Variants in BTBD9 observed in about 807,000 individuals in gnomAD.
BTBD9 encodes BTB/POZ domain-containing protein 9.
Under a neutral mutation model 64.3 loss-of-function variants are expected in BTBD9, and 49 were observed. The observed-to-expected ratio is 0.76, with a 90% CI of 0.61 to 0.97. BTBD9 has a LOEUF of 0.97. Ranked by LOEUF, BTBD9 falls within the 50% of genes least tolerant of loss-of-function variation. The probability of loss-of-function intolerance (pLI) is 0.00; values close to 1 mark genes in which losing one functional copy is unlikely to be tolerated. For missense variants in BTBD9, 598 were observed against 762.1 expected, an observed-to-expected ratio of 0.78 and a Z score of 2.53; for synonymous variants, 260 against 274.7, an observed-to-expected ratio of 0.95 and a Z score of 0.53.
At chr6:38,188,448 A>C (rs966421882) in intron 10 of BTBD9, among the ~76,000 whole-genome samples, 1 of 152,240 alleles carries the variant, frequency 6.6e-6, no homozygotes, top group African/African-American at 2.4e-5. Context: ...AAGCACCTGC[A>C]GAAGACAGGC....
intron 7 of BTBD9, among the ~76,000 whole-genome samples, chr6:38,343,374 C>T (rs1764172947): frequency 6.6e-6 from 1 of 152,174 alleles, no homozygotes; most frequent in African/African-American, 2.4e-5. Context: ...AGGGGGCTGA[C>T]TGATGTAGAT....
At position 38,559,462 on chromosome 6, in the gene BTBD9, C is replaced by T. The variant is rs146938037; in HGVS notation, c.1154+18138G>A. On this transcript the variant is annotated intron_variant, in intron 6 of 10. Transcript: ENST00000481247. ...TGAATGGAAAAACATTACATGCTCACGGACTGGAAGAATTACTATCGTGAA... is the reference window on the plus strand; with the variant it reads ...TGAATGGAAAAACATTACATGCTCATGGACTGGAAGAATTACTATCGTGAA... 1.8e-3 allele frequency among the ~76,000 whole-genome samples: 280 copies of T among 152,186 alleles called. 2 individuals carry two copies. The highest frequency in any genetic ancestry group is 5.9e-3 in the African/African-American group (245 of 41,550).
At chr6:38,470,964 T>A (rs1429578015) in intron 6 of BTBD9, among the ~76,000 whole-genome samples, 1 of 152,232 alleles carries the variant, frequency 6.6e-6, no homozygotes, top group African/African-American at 2.4e-5. Context: ...AAGAGCAGTT[T>A]TCCAAGATTC....
chr6:38,266,666 GAAAGAAAGAAA>G (rs1765015121), intron 8 of BTBD9, among the ~76,000 whole-genome samples: 1 of 94,960 alleles, frequency 1.1e-5, no homozygotes, highest in Non-Finnish European at 2.2e-5. Context: ...AAGAAAGAAA[GAAAGAAAGAAA>G]GAAGAAAAAG....
rs929959987 is a variant in BTBD9 at position 38,184,259 on chromosome 6, G to A, written c.1641+8260C>T. On this transcript the variant is annotated intron_variant, in intron 10 of 10. Transcript: ENST00000481247. This position sits in a 1 kb window ranked among gnomAD's most constrained non-coding sequence, Gnocchi z 4.4. ...TACAATGCAGATTCACAGGTACCAG[G>A]CTGCCCGCTGGGCTTGACTATCCCG... 3.3e-5 allele frequency among the ~76,000 whole-genome samples: 5 copies of A among 152,272 alleles called. No individual in the cohort carries two copies. The East Asian group carries it at 5.8e-4, about 18-fold the overall frequency.
chr6:38,578,866 G>T (rs868767412), intron 5 of BTBD9, among the ~76,000 whole-genome samples: 1 of 152,086 alleles, frequency 6.6e-6, no homozygotes, highest in South Asian at 2.1e-4. Flanking sequence ...TCACAGAAAC[G>T]ATGACAACCA....
At position 38,268,666 on chromosome 6, in the gene BTBD9, CAA is replaced by C. The variant is rs368811247; in HGVS notation, c.1455-12152_1455-12151del. Among the ~76,000 whole-genome samples the C allele has an allele frequency of 4.4e-3, 674 of 152,344 alleles. 4 individuals carry two copies. The highest frequency in any genetic ancestry group is 0.015 in the African/African-American group (622 of 41,576). ...TTCTTCTCAGACTGACCTTTTCACC[CAA>C]ATCAGATCTGGGTTTCAACCTTTGC... On this transcript the variant is annotated intron_variant, in intron 8 of 10. Transcript: ENST00000481247.
At chr6:38,587,275 A>G in intron 4 of BTBD9, 1 of 340,120 alleles carries the variant, frequency 2.9e-6, no homozygotes, top group East Asian at 8.1e-5. Flanking sequence ...GGCCTCCACA[A>G]GCCCTCTTTT....
intron 9 of BTBD9, chr6:38,193,779 T>A: frequency 3.1e-6 from 3 of 981,954 alleles, no homozygotes; most frequent in Non-Finnish European, 3.6e-6. Context: ...TACCAAGTAA[T>A]GTTAGCAAAG....
intron 6 of BTBD9, among the ~76,000 whole-genome samples, chr6:38,356,421 T>C (rs548905985): frequency 6.6e-6 from 1 of 152,306 alleles, no homozygotes; most frequent in African/African-American, 2.4e-5. Flanking sequence ...CTTGTTCTAC[T>C]TTCTGGGAGA....
chr6:38,362,279 G>A (rs1042696288), intron 6 of BTBD9, among the ~76,000 whole-genome samples: 1 of 152,202 alleles, frequency 6.6e-6, no homozygotes, highest in African/African-American at 2.4e-5. Flanking sequence ...GTCTCACGTT[G>A]TATCAAAGTT....
At chr6:38,264,073 C>T (rs140952716) in intron 8 of BTBD9, among the ~76,000 whole-genome samples, 2 of 152,252 alleles carry the variant, frequency 1.3e-5, no homozygotes, top group East Asian at 1.9e-4. Flanking sequence ...TATGTAGAAA[C>T]GGAGAGCGGT....
At chr6:38,237,226 A>G (rs150666585) in intron 9 of BTBD9, among the ~76,000 whole-genome samples, 3 of 152,340 alleles carry the variant, frequency 2.0e-5, no homozygotes, top group Non-Finnish European at 4.4e-5. Context: ...TTTGAGGTGT[A>G]TGTTGTTTTC....
chr6:38,330,143 C>T (rs1284993303), intron 7 of BTBD9, among the ~76,000 whole-genome samples: 2 of 151,990 alleles, frequency 1.3e-5, no homozygotes, highest in Non-Finnish European at 2.9e-5. Flanking sequence ...CAACCTGCAC[C>T]TCCTGGGTTC....
chr6:38,202,002 A>C (rs1762474806), intron 9 of BTBD9, among the ~76,000 whole-genome samples: 1 of 152,188 alleles, frequency 6.6e-6, no homozygotes, highest in African/African-American at 2.4e-5. Flanking sequence ...TACCATTAAA[A>C]TGACTGTACT....
intron 7 of BTBD9, among the ~76,000 whole-genome samples, chr6:38,305,681 A>C (rs1375833457): frequency 6.6e-6 from 1 of 151,962 alleles, no homozygotes; most frequent in East Asian, 1.9e-4. Context: ...ATGGGGTTTC[A>C]CCATGTTGGC....
intron 8 of BTBD9, among the ~76,000 whole-genome samples, chr6:38,273,823 T>C (rs1329010354): frequency 6.6e-6 from 1 of 152,178 alleles, no homozygotes; most frequent in Non-Finnish European, 1.5e-5. Flanking sequence ...AAGAACAGAA[T>C]AAAGGAGAAG....
Position 38,280,777 on chromosome 6 carries a change from T to A in BTBD9, c.1454+7495A>T, listed in dbSNP as rs1052635956. ...TCAGTCATTTGCTGGAGATGTTGGA[T>A]CTTTAGCAGTTTCCTCACATACACT... On this transcript the variant is annotated intron_variant, in intron 8 of 10. Transcript: ENST00000481247. 2.0e-5 allele frequency among the ~76,000 whole-genome samples: 3 copies of A among 152,216 alleles called. No homozygotes were observed. In the East Asian group the frequency reaches 5.8e-4, roughly 29 times the overall value.
At chr6:38,279,023 A>G (rs1204304053) in intron 8 of BTBD9, among the ~76,000 whole-genome samples, 1 of 152,216 alleles carries the variant, frequency 6.6e-6, no homozygotes, top group Non-Finnish European at 1.5e-5. Flanking sequence ...ATGATTCCTC[A>G]GCTAGAGCTA....
Sources: gnomAD v4.1 joint callset for allele counts (sites outside exome capture counted in the v4.1 genomes callset) on GRCh38, gnomAD v4.1.1 for gene constraint, Gnocchi (gnomAD v3.1) non-coding constraint, MANE v1.5 for transcripts, NCBI Gene and HGNC (gene_info 2026-07-23, HGNC 2026-07-21) for gene names.